Variants in SLIT3 observed in about 807,000 individuals in gnomAD.
SLIT3 encodes slit guidance ligand 3.
In SLIT3, 68 loss-of-function variants were observed where a neutral mutation model predicts 184.0. The observed-to-expected ratio is 0.37, with a 90% CI of 0.30 to 0.45. The LOEUF is 0.45. Ranked by LOEUF, SLIT3 falls within the 20% of genes least tolerant of loss-of-function variation. SLIT3 has a pLI of 1.00. For missense variants in SLIT3, 1,707 were observed against 2,026.0 expected (o/e 0.84, Z 3.02); for synonymous variants, 831 against 828.6 (o/e 1.00, Z -0.05).
chr5:169,104,537 T>C (rs1760133719), intron 4 of SLIT3, among the ~76,000 whole-genome samples: 1 of 152,178 alleles, frequency 6.6e-6, no homozygotes, highest in African/African-American at 2.4e-5. Flanking sequence ...ATTGAATGCA[T>C]TGATGAACTT....
rs763805796 is a variant in SLIT3, at chr5:169,033,589, C to A, written c.414-150253G>T. Among the ~76,000 whole-genome samples, 18 of 152,138 alleles carry A rather than the reference C, an allele frequency of 1.2e-4. 1 individual carries two copies. Among genetic ancestry groups the A allele is most frequent in the Non-Finnish European group, 2.2e-4 (15 of 68,032 alleles). On this transcript the variant is annotated intron_variant, in intron 4 of 35. Coordinates refer to ENST00000519560, the MANE Select transcript of SLIT3 (RefSeq NM_003062.4). ...GTACAAGGGTTCTCTTTTCTTCATA[C>A]CCTCACCAACATTTGTTATCTTGTG...
intron 4 of SLIT3, among the ~76,000 whole-genome samples, chr5:169,185,909 C>T (rs1036177689): frequency 1.8e-4 from 27 of 152,210 alleles, no homozygotes; most frequent in African/African-American, 6.5e-4. Flanking sequence ...TTGGCTCAGC[C>T]AGTTACTGGC....
chr5:168,687,877 C>A (rs1418922845), intron 29 of SLIT3, among the ~76,000 whole-genome samples: 1 of 152,186 alleles, frequency 6.6e-6, no homozygotes, highest in Non-Finnish European at 1.5e-5. Context: ...ATTACCTGGG[C>A]AAGAGGATGG....
chr5:168,679,662 C>CA (rs933944421), intron 32 of SLIT3, among the ~76,000 whole-genome samples: 1 of 152,102 alleles, frequency 6.6e-6, no homozygotes, highest in Non-Finnish European at 1.5e-5. Context: ...CTCGCAGTAA[C>CA]AAAAAGTTCC....
intron 23 of SLIT3, chr5:168,720,062 T>C (rs1202093439): frequency 2.0e-5 from 3 of 152,074 alleles, no homozygotes; most frequent in African/African-American, 7.3e-5. Context: ...TACAGGCGCA[T>C]GTTACCATGC....
At chr5:168,789,118 A>G (rs530007707) in intron 11 of SLIT3, among the ~76,000 whole-genome samples, 14 of 152,246 alleles carry the variant, frequency 9.2e-5, no homozygotes, top group African/African-American at 3.4e-4. Flanking sequence ...GACAATGGCC[A>G]TGAGGGTGGT....
At chr5:169,011,175 G>T (rs1051534456) in intron 4 of SLIT3, among the ~76,000 whole-genome samples, 4 of 152,096 alleles carry the variant, frequency 2.6e-5, no homozygotes, top group African/African-American at 9.7e-5. Flanking sequence ...TCCCAGCCTG[G>T]CCCAGGCTCC....
At chr5:169,176,351 C>A (rs72833936) in intron 4 of SLIT3, among the ~76,000 whole-genome samples, 14,559 of 152,272 alleles carry the variant, frequency 0.096, 860 homozygotes, top group South Asian at 0.16. Flanking sequence ...TCTGCGATTT[C>A]TTCGCTGAAT....
intron 4 of SLIT3, among the ~76,000 whole-genome samples, chr5:168,940,054 C>T (rs78593780): frequency 7.9e-5 from 12 of 152,050 alleles, no homozygotes; most frequent in East Asian, 7.7e-4. Flanking sequence ...GTAATACAGT[C>T]GGGGAGGATA....
intron 5 of SLIT3, among the ~76,000 whole-genome samples, chr5:168,849,752 AAT>A (rs1233749461): frequency 6.6e-6 from 1 of 152,192 alleles, no homozygotes; most frequent in Non-Finnish European, 1.5e-5. Flanking sequence ...TTTTTGATGA[AAT>A]ATATATATGT....
chr5:168,695,344 G>A (rs1040230987), intron 28 of SLIT3, among the ~76,000 whole-genome samples: 3 of 152,212 alleles, frequency 2.0e-5, no homozygotes, highest in African/African-American at 7.2e-5. Context: ...GGGGAAAGGG[G>A]AAGCTCTGAG....
intron 14 of SLIT3, 121 bp from the exon 15 acceptor site, chr5:168,762,810 G>A (rs1056275693): frequency 4.1e-6 from 4 of 973,884 alleles, no homozygotes; most frequent in Middle Eastern, 3.2e-4. Flanking sequence ...TAGGGGTCAA[G>A]TAACAGACAC....
intron 4 of SLIT3, among the ~76,000 whole-genome samples, chr5:168,884,344 G>A (rs952714877): frequency 1.1e-4 from 16 of 150,524 alleles, no homozygotes; most frequent in Non-Finnish European, 1.8e-4. Flanking sequence ...TGGCGTGGTC[G>A]GGGGGTGCAG....
In SLIT3 at chr5:169,065,595, T is replaced by G. The variant is rs1343941334; in HGVS notation, c.413+127884A>C. 2.0e-5 allele frequency among the ~76,000 whole-genome samples: 3 copies of G among 152,194 alleles called. No individual in the cohort carries two copies. The East Asian group carries it at 5.8e-4, about 29-fold the overall frequency. ...ACCTTTGTCTTCGTCACATCAGACA[T>G]CCTGCTCATTGCTAAGGAATGTGAA... is the stretch of plus-strand genomic sequence containing the variant. On this transcript the variant is annotated intron_variant, in intron 4 of 35. Coordinates refer to ENST00000519560, the MANE Select transcript of SLIT3 (RefSeq NM_003062.4).
At chr5:169,232,474 C>G (rs1479100262) in intron 3 of SLIT3, among the ~76,000 whole-genome samples, 1 of 152,206 alleles carries the variant, frequency 6.6e-6, no homozygotes, top group African/African-American at 2.4e-5. Context: ...ATCCACTCAC[C>G]TCAGCCTCCC....
At chr5:168,963,739 T>G (rs1763091942) in intron 4 of SLIT3, among the ~76,000 whole-genome samples, 1 of 152,220 alleles carries the variant, frequency 6.6e-6, no homozygotes. Context: ...CCCTTGCAAA[T>G]GCCAGGTTGG....
At chr5:169,038,890 G>C (rs759297959) in intron 4 of SLIT3, among the ~76,000 whole-genome samples, 8 of 152,036 alleles carry the variant, frequency 5.3e-5, no homozygotes, top group Non-Finnish European at 1.2e-4. Flanking sequence ...TAATCACAAG[G>C]GGCTGGCCTG....
intron 4 of SLIT3, among the ~76,000 whole-genome samples, chr5:168,972,274 C>A (rs887023077): frequency 4.0e-5 from 6 of 149,372 alleles, no homozygotes; most frequent in African/African-American, 1.0e-4. Flanking sequence ...GAAGCACGAC[C>A]TTGAGGGATC....
chr5:168,686,880 C>G (rs188069852), intron 30 of SLIT3, 99 bp downstream of exon 30: 3 of 1,462,328 alleles, frequency 2.1e-6, no homozygotes, highest in Admixed American at 3.5e-5. Flanking sequence ...CTACAGCCAC[C>G]TGGGCCTGAG....
Sources: gnomAD v4.1 joint callset for allele counts (sites outside exome capture counted in the v4.1 genomes callset) on GRCh38, gnomAD v4.1.1 for gene constraint, MANE v1.5 for transcripts, NCBI Gene and HGNC (gene_info 2026-07-23, HGNC 2026-07-21) for gene names.